Variants in SMARCAL1 observed in about 807,000 individuals in gnomAD.
SMARCAL1 encodes SNF2 related chromatin remodeling annealing helicase 1, also known as ATP-driven annealing helicase.
In SMARCAL1, 58 loss-of-function variants were observed where a neutral mutation model predicts 94.5. The observed-to-expected ratio is 0.61, with a 90% CI of 0.50 to 0.76. The LOEUF is 0.76. Among genes scored for constraint, SMARCAL1 ranks in the 30% least tolerant of loss-of-function variants. The pLI is 0.00. For synonymous variants in SMARCAL1, 422 were observed against 455.1 expected, an observed-to-expected ratio of 0.93 and a Z score of 0.93; for missense variants, 1,051 against 1,177.9, an observed-to-expected ratio of 0.89 and a Z score of 1.58.
At chr2:216,432,910 C>A (rs376481672) in intron 8 of SMARCAL1, 42 bp downstream of exon 8, 23 of 1,612,092 alleles carry the variant, frequency 1.4e-5, no homozygotes, top group Non-Finnish European at 1.9e-5. Flanking sequence ...AGAAGGTTTT[C>A]TTCAGTGTTA....
rs1178392998 is a variant in SMARCAL1 at position 216,464,539 on chromosome 2, A to G, written c.2071-58A>G. ...GCGCATAGGAGCAATAATTAGATCCACTCATCCCAGAGTTCTCAGACTGGG... is the reference window on the plus strand; with the variant it reads ...GCGCATAGGAGCAATAATTAGATCCGCTCATCCCAGAGTTCTCAGACTGGG... On this transcript the variant is annotated intron_variant, in intron 12 of 17. Coordinates refer to ENST00000357276, the MANE Select transcript of SMARCAL1 (RefSeq NM_014140.4). 6 of 1,236,352 alleles carry G rather than the reference A, an allele frequency of 4.9e-6. No homozygotes were observed. The South Asian group carries it at 7.2e-5, about 15-fold the overall frequency. The allele number at this position is 1,236,352 out of a possible 1,614,324, so 76.6% of individuals were successfully genotyped here. A position where few individuals can be genotyped will look rare whatever the true frequency, so the allele number is the denominator to read the frequency against.
At chr2:216,420,028 C>CAAAAAAAAAAAAAAA (rs60555710) in intron 4 of SMARCAL1, among the ~76,000 whole-genome samples, 11 of 40,044 alleles carry the variant, frequency 2.7e-4, no homozygotes, top group Admixed American at 5.9e-4. Flanking sequence ...GACCCCGTCT[C>CAAAAAAAAAAAAAAA]AAAAAAAAAA....
chr2:216,476,981 C>A, intron 15 of SMARCAL1, 128 bp from the exon 16 acceptor site: 1 of 744,190 alleles, frequency 1.3e-6, no homozygotes, highest in Non-Finnish European at 2.4e-6. Flanking sequence ...AGGTCTGAGA[C>A]AGTGAAGTGC....
chr2:216,458,896 C>G (rs969367586), intron 12 of SMARCAL1, among the ~76,000 whole-genome samples: 6 of 152,070 alleles, frequency 3.9e-5, no homozygotes, highest in Admixed American at 3.9e-4. Flanking sequence ...TCAAATTGTC[C>G]CTGTTTGCAG....
intron 12 of SMARCAL1, among the ~76,000 whole-genome samples, chr2:216,462,605 C>T (rs553283888): frequency 1.3e-5 from 2 of 152,268 alleles, no homozygotes; most frequent in East Asian, 3.9e-4. Flanking sequence ...AAGGGATTTA[C>T]AGTCTAATCA....
chr2:216,470,771 C>T (rs930101866), intron 14 of SMARCAL1, among the ~76,000 whole-genome samples: 1 of 143,094 alleles, frequency 7.0e-6, no homozygotes, highest in Non-Finnish European at 1.5e-5. Context: ...CAGGCATTAG[C>T]CACCGCACCC....
chr2:216,415,888 T>C, intron 3 of SMARCAL1: 1 of 387,074 alleles, frequency 2.6e-6, no homozygotes, highest in Non-Finnish European at 4.8e-6. Flanking sequence ...AGGCCCAGTT[T>C]CATTGGTCTG....
chr2:216,450,676 CA>C (rs1425649180), intron 11 of SMARCAL1, among the ~76,000 whole-genome samples, 169 bp from the exon 12 acceptor site: 5 of 151,986 alleles, frequency 3.3e-5, no homozygotes, highest in Non-Finnish European at 2.9e-5. Context: ...TTTTCCTTTC[CA>C]TTTCTCATTT....
intron 12 of SMARCAL1, among the ~76,000 whole-genome samples, chr2:216,458,869 A>G (rs1011560586): frequency 3.2e-4 from 48 of 152,300 alleles, no homozygotes; most frequent in South Asian, 2.1e-3. Flanking sequence ...AGGGTATTCA[A>G]TTAGGAAAAG....
chr2:216,455,995 A>G (rs1694557972), intron 12 of SMARCAL1, among the ~76,000 whole-genome samples: 1 of 152,246 alleles, frequency 6.6e-6, no homozygotes, highest in South Asian at 2.1e-4. Context: ...CAATGCAGAG[A>G]AGTCCTTAAA....
intron 14 of SMARCAL1, among the ~76,000 whole-genome samples, chr2:216,474,872 G>A (rs1695037848): frequency 6.6e-6 from 1 of 151,356 alleles, no homozygotes; most frequent in African/African-American, 2.4e-5. Flanking sequence ...TGTTGGAGTT[G>A]TTGAGTATCT....
intron 14 of SMARCAL1, among the ~76,000 whole-genome samples, chr2:216,474,507 C>T (rs1695031097): frequency 6.7e-6 from 1 of 150,062 alleles, no homozygotes; most frequent in Non-Finnish European, 1.5e-5. Flanking sequence ...GTAATCCCAG[C>T]ACTTTGGGAG....
chr2:216,448,456 A>G (rs1315777823), intron 11 of SMARCAL1, among the ~76,000 whole-genome samples: 1 of 152,128 alleles, frequency 6.6e-6, no homozygotes, highest in African/African-American at 2.4e-5. Context: ...GTCCCTTCCT[A>G]TGTTCCCCAT....
At chr2:216,478,609 A>G (rs1695138563) in intron 17 of SMARCAL1, among the ~76,000 whole-genome samples, 1 of 152,244 alleles carries the variant, frequency 6.6e-6, no homozygotes, top group African/African-American at 2.4e-5. Flanking sequence ...AAAAGTACAC[A>G]GCAACACCAC....
intron 10 of SMARCAL1, among the ~76,000 whole-genome samples, chr2:216,441,626 C>T (rs1694197618): frequency 6.6e-6 from 1 of 152,176 alleles, no homozygotes; most frequent in South Asian, 2.1e-4. Flanking sequence ...AATAATTCTG[C>T]AAGTGAACAT....
chr2:216,462,122 C>T (rs1294604987), intron 12 of SMARCAL1, among the ~76,000 whole-genome samples: 2 of 152,198 alleles, frequency 1.3e-5, no homozygotes, highest in Non-Finnish European at 2.9e-5. Context: ...TACCATCCCA[C>T]CAGTCAAGTA....
chr2:216,475,526 G>A lies in SMARCAL1; in HGVS notation c.2427+75G>A, dbSNP rs375237744. 1.3e-5 allele frequency: 19 copies of A among 1,489,762 alleles called. No homozygotes were observed. The highest frequency in any genetic ancestry group is 6.8e-5 in the East Asian group (3 of 44,308). The allele number at this position is 1,489,762 out of a possible 1,614,324, so 92.3% of individuals were successfully genotyped here. ...GGGCAGGAAGCAGTGAGTGTCGGTC[G>A]GGGAAAGTGTGGTTTCCCTTTTATC... On this transcript the variant is annotated intron_variant, in intron 15 of 17. Coordinates refer to ENST00000357276, the MANE Select transcript of SMARCAL1 (RefSeq NM_014140.4). This position sits in a 1 kb window ranked among gnomAD's most constrained non-coding sequence, Gnocchi z 4.4.
chr2:216,461,055 GGTGTGTGT>G (rs71054476), intron 12 of SMARCAL1, among the ~76,000 whole-genome samples: 80 of 146,344 alleles, frequency 5.5e-4, no homozygotes, highest in Middle Eastern at 3.6e-3. Flanking sequence ...ACTAGAAAGA[GGTGTGTGT>G]GTGTGTGTGT....
chr2:216,466,283 T>C lies in SMARCAL1; in HGVS notation c.2141+1616T>C, dbSNP rs1694827659. The stretch of plus-strand genomic sequence containing the variant: ...CATACCTTATACATACTTTCTCAAA[T>C]TTCTATTATACAATAAATTGTATAG... On this transcript the variant is annotated intron_variant, in intron 13 of 17. Transcript: ENST00000357276. Among the ~76,000 whole-genome samples, 3 of 152,294 alleles carry C rather than the reference T, an allele frequency of 2.0e-5. No homozygotes were observed. The South Asian group carries it at 6.2e-4, about 32-fold the overall frequency.
Sources: gnomAD v4.1 joint callset for allele counts (sites outside exome capture counted in the v4.1 genomes callset) on GRCh38, gnomAD v4.1.1 for gene constraint, Gnocchi (gnomAD v3.1) non-coding constraint, MANE v1.5 for transcripts, NCBI Gene and HGNC (gene_info 2026-07-23, HGNC 2026-07-21) for gene names.